The following WDR45B variants were observed in gnomAD, a reference collection of about 807,000 sequenced individuals.
The protein encoded by WDR45B is WD repeat domain phosphoinositide-interacting protein 3.
A neutral mutation model predicts 44.6 loss-of-function variants in WDR45B; 20 were observed. The observed-to-expected ratio is 0.45, with a 90% CI of 0.32 to 0.65. The LOEUF (loss-of-function observed/expected upper bound fraction) is 0.65. Ranked by LOEUF, WDR45B falls within the 30% of genes least tolerant of loss-of-function variation. WDR45B has a pLI of 0.05. For synonymous variants in WDR45B, 169 were observed against 164.9 expected (o/e 1.02, Z -0.19); for missense variants, 323 against 430.2 (o/e 0.75, Z 2.20).
chr17:82,647,719 CGCCACTCG>C (rs911989324), intron 1 of WDR45B, among the ~76,000 whole-genome samples: 1 of 151,064 alleles, frequency 6.6e-6, no homozygotes, highest in African/African-American at 2.4e-5. Context: ...ACCCCACCCG[CGCCACTCG>C]CCACCAGAGG....
chr17:82,626,533 C>CAAAAAAAAAAAAAAA lies in WDR45B; in HGVS notation c.332+656_332+670dup, dbSNP rs562186058. On this transcript the variant is annotated intron_variant, in intron 4 of 9. Coordinates refer to ENST00000392325, the MANE Select transcript of WDR45B (RefSeq NM_019613.4). The stretch of plus-strand genomic sequence containing the variant: ...GGCAACAGAGCAAGACTCTATCTCC[C>CAAAAAAAAAAAAAAA]AAAAAAAAAAAAAAAAAAAAAAAAA... Among the ~76,000 whole-genome samples, 15 of 79,448 alleles carry CAAAAAAAAAAAAAAA rather than the reference C, an allele frequency of 1.9e-4. 1 individual carries two copies. The highest frequency in any genetic ancestry group is 1.0e-3 in the African/African-American group (14 of 13,670). The allele number at this position is 79,448 out of a possible 152,430, so 52.1% of individuals were successfully genotyped here. A position where few individuals can be genotyped will look rare whatever the true frequency, so the allele number is the denominator to read the frequency against.
At chr17:82,625,633 A>G (rs1254988559) in intron 4 of WDR45B, 150 bp from the exon 5 acceptor site, 2 of 790,150 alleles carry the variant, frequency 2.5e-6, no homozygotes, top group African/African-American at 3.4e-5. Flanking sequence ...GGAGGCAGGT[A>G]GCCAGCGCCA....
At chr17:82,645,939 G>A (rs756289198) in intron 1 of WDR45B, among the ~76,000 whole-genome samples, 2 of 151,842 alleles carry the variant, frequency 1.3e-5, no homozygotes, top group African/African-American at 4.8e-5. Flanking sequence ...TGGCTAACAC[G>A]GTGAAACCCC....
Position 82,615,809 on chromosome 17 carries a change from C to T in WDR45B, c.*110G>A, listed in dbSNP as rs143181998. 1 of 962,626 alleles carries T rather than the reference C, an allele frequency of 1.0e-6. No homozygotes were observed. The highest frequency in any genetic ancestry group is 2.4e-5 in the East Asian group (1 of 41,702). 59.6% of individuals were successfully genotyped at this position (962,626 alleles called of 1,614,324 possible). A position where few individuals can be genotyped will look rare whatever the true frequency, so the allele number is the denominator to read the frequency against. On this transcript the variant is annotated 3_prime_UTR_variant, in exon 10 of 10. Transcript: ENST00000392325. The stretch of plus-strand genomic sequence containing the variant: ...CCACGTATGGCTTCGAGACCAAGGT[C>T]CCTGGGCAGCCCCTCCAGCCCGTGG...
intron 2 of WDR45B, among the ~76,000 whole-genome samples, chr17:82,641,048 C>G (rs1442313247): frequency 6.7e-6 from 1 of 148,364 alleles, no homozygotes; most frequent in Admixed American, 6.8e-5. Flanking sequence ...TCACTGCAAC[C>G]TCGGCCTCCC....
At chr17:82,616,082 A>G in intron 9 of WDR45B, 57 bp from the exon 10 acceptor site, 2 of 1,495,664 alleles carry the variant, frequency 1.3e-6, no homozygotes, top group East Asian at 2.3e-5. Flanking sequence ...GTTAAAAGCA[A>G]CGAGTCCCAC....
At chr17:82,632,565 C>A (rs528579774) in intron 2 of WDR45B, among the ~76,000 whole-genome samples, 1 of 152,228 alleles carries the variant, frequency 6.6e-6, no homozygotes, top group African/African-American at 2.4e-5. Context: ...CTGAGGGGAG[C>A]AACAGGGGCA....
At position 82,619,099 on chromosome 17, in the gene WDR45B, T is replaced by G; in HGVS notation, c.648A>C (p.Ser216=). The G allele has an allele frequency of 6.2e-7, 1 of 1,614,248 alleles. No homozygotes were observed. The highest frequency in any genetic ancestry group is 8.5e-7 in the Non-Finnish European group (1 of 1,180,038). The change falls in exon 7 of 10, where the codon TCA becomes TCC. Residue 216 remains serine, a synonymous_variant. Coordinates refer to ENST00000392325, the MANE Select transcript of WDR45B (RefSeq NM_019613.4). ...KGTLIRIFDT[S]SGHLIQELRR... ...GCAGTTCCTGGATTAAATGCCCTGATGAAGTATCAAATATTCTTATAAGCG... is the reference window on the plus strand; with the variant it reads ...GCAGTTCCTGGATTAAATGCCCTGAGGAAGTATCAAATATTCTTATAAGCG...
At chr17:82,624,624 G>GT (rs544094467) in intron 5 of WDR45B, among the ~76,000 whole-genome samples, 5,836 of 143,350 alleles carry the variant, frequency 0.041, 53 homozygotes, top group Middle Eastern at 0.053. Flanking sequence ...ATTTATTGAA[G>GT]TTTTTTTTTT....
In WDR45B at chr17:82,621,809, G is replaced by A; in HGVS notation, c.428-10C>T. 6.2e-7 allele frequency: 1 copy of A among 1,613,900 alleles called. No homozygotes were observed. Among genetic ancestry groups the A allele is most frequent in the Non-Finnish European group, 8.5e-7 (1 of 1,179,972 alleles). On this transcript the variant is annotated splice_polypyrimidine_tract_variant and intron_variant, in intron 5 of 9. Transcript: ENST00000392325. ...CAAAGGACACAGAGGCCTGCGTGGA[G>A]ACAGAGGACACCAATCAAGAACTGC...
intron 2 of WDR45B, among the ~76,000 whole-genome samples, chr17:82,637,691 T>C (rs775490755): frequency 5.9e-5 from 9 of 152,032 alleles, no homozygotes; most frequent in Non-Finnish European, 1.2e-4. Context: ...TACCAGTTTA[T>C]AACAAAGAAT....
In WDR45B at chr17:82,648,391, G is replaced by A; in HGVS notation, c.-51C>T. 6.3e-7 allele frequency: 1 copy of A among 1,587,454 alleles called. No homozygotes were observed. The highest frequency in any genetic ancestry group is 8.6e-7 in the Non-Finnish European group (1 of 1,168,890). On this transcript the variant is annotated 5_prime_UTR_variant, in exon 1 of 10. Coordinates refer to ENST00000392325, the MANE Select transcript of WDR45B (RefSeq NM_019613.4). ...CCTCAGCGCTGCATGCCTCTCGCTGGGGACGGCGGCCTGGTCCCTTCGGGC... is the reference window on the plus strand; with the variant it reads ...CCTCAGCGCTGCATGCCTCTCGCTGAGGACGGCGGCCTGGTCCCTTCGGGC...
At chr17:82,647,751 G>C (rs1020971136) in intron 1 of WDR45B, among the ~76,000 whole-genome samples, 2 of 151,844 alleles carry the variant, frequency 1.3e-5, no homozygotes, top group African/African-American at 2.4e-5. Flanking sequence ...CGGAGACGCC[G>C]GCTCCGCGGC....
chr17:82,616,436 G>C, intron 9 of WDR45B, 88 bp downstream of exon 9: 1 of 1,603,972 alleles, frequency 6.2e-7, no homozygotes, highest in South Asian at 1.1e-5. Flanking sequence ...GCGGTGCTGG[G>C]ACGTCCATGG....
chr17:82,647,166 T>C (rs2045988833), intron 1 of WDR45B, among the ~76,000 whole-genome samples: 1 of 151,560 alleles, frequency 6.6e-6, no homozygotes, highest in Admixed American at 6.6e-5. Flanking sequence ...GAGGAGGAGG[T>C]TGCAGTGAGT....
In WDR45B at chr17:82,644,033, A is replaced by G. The variant is rs1387253829; in HGVS notation, c.68-10T>C. 1 of 1,613,882 alleles carries G rather than the reference A, an allele frequency of 6.2e-7. No individual in the cohort carries two copies. The highest frequency in any genetic ancestry group is 8.5e-7 in the Non-Finnish European group (1 of 1,179,918). ...CCACACGCAAAGCATCCTAAAGCAG[A>G]AGTGTAAAAGAGACATTAATCCCCA... On this transcript the variant is annotated splice_polypyrimidine_tract_variant and intron_variant, in intron 1 of 9. Transcript: ENST00000392325.
At position 82,615,510 on chromosome 17, in the gene WDR45B, C is replaced by G. The variant is rs1567999000; in HGVS notation, c.*409G>C. The G allele has an allele frequency of 3.5e-6, 1 of 285,358 alleles. No individual in the cohort carries two copies. The highest frequency in any genetic ancestry group is 6.9e-6 in the Non-Finnish European group (1 of 144,922). 17.7% of individuals were successfully genotyped at this position (285,358 alleles called of 1,614,324 possible). ...AAGAACTTACATCTGCACACTTGTT[C>G]ACTCCCCCGCTGCAGACTCAGTAAG... is the stretch of plus-strand genomic sequence containing the variant. On this transcript the variant is annotated 3_prime_UTR_variant, in exon 10 of 10. Transcript: ENST00000392325.
rs549218594 is a variant in WDR45B at position 82,625,453 on chromosome 17, C to T, written c.363G>A (p.Lys121=). ...GGGGATTGTGTGTGAATGTGAACAC[C>T]TTAATCATGGAGTCCAAAACCACCA... ...RIVVVLDSMI[K]VFTFTHNPHQ... is the part of the protein sequence containing the mutation. Residue 121 remains lysine (K), a synonymous_variant, in exon 5 of 10, where the codon AAG becomes AAA. Transcript: ENST00000392325. The T allele has an allele frequency of 2.8e-4, 445 of 1,614,148 alleles. 8 individuals are homozygous for T. In the South Asian group the frequency reaches 4.6e-3, roughly 17 times the overall value.
At chr17:82,623,466 C>T (rs559536277) in intron 5 of WDR45B, among the ~76,000 whole-genome samples, 2 of 150,846 alleles carry the variant, frequency 1.3e-5, no homozygotes, top group East Asian at 3.9e-4. Context: ...CTTTGGGAGG[C>T]CGAGGCAGGT....
Sources: allele counts gnomAD v4.1 joint callset (sites outside exome capture counted in the v4.1 genomes callset), GRCh38; gene constraint gnomAD v4.1.1; transcripts MANE v1.5; gene names NCBI Gene and HGNC (gene_info 2026-07-23, HGNC 2026-07-21).